Variants in SLC18A1 observed in about 807,000 individuals in gnomAD.
The protein encoded by SLC18A1 is chromaffin granule amine transporter.
A neutral mutation model predicts 53.7 loss-of-function variants in SLC18A1; 69 were observed. The observed-to-expected ratio is 1.28, with a 90% CI of 1.06 to 1.57. The LOEUF is 1.57. SLC18A1 is among the 40% of genes most tolerant of loss of function. The pLI is 0.00. For synonymous variants in SLC18A1, 320 were observed against 248.1 expected (o/e 1.29, Z -2.72); for missense variants, 932 against 668.1 (o/e 1.40, Z -4.35).
rs768462280 is a variant in SLC18A1 at position 20,164,927 on chromosome 8, C to T, written c.957G>A (p.Leu319=). ...TCATCCAGATGGGCAGTGTGGGCTC[C>T]AGGATGGCCACCCCCATGTTGGCAA... The part of the protein sequence containing the change: ...ICFANMGVAI[L]EPTLPIWMMQ... Residue 319 remains leucine, a synonymous_variant, in exon 10 of 16, where the codon CTG becomes CTA. Coordinates refer to ENST00000276373, the MANE Select transcript of SLC18A1 (RefSeq NM_003053.4). The T allele has an allele frequency of 6.2e-7, 1 of 1,613,756 alleles. No homozygotes were observed. Among genetic ancestry groups the T allele is most frequent in the Admixed American group, 1.7e-5 (1 of 59,998 alleles).
At chr8:20,175,462 T>C (rs2072231976) in intron 4 of SLC18A1, 1 of 152,236 alleles carries the variant, frequency 6.6e-6, no homozygotes, top group African/African-American at 2.4e-5. Context: ...CACAATTTTA[T>C]GTTCAGAGAT....
chr8:20,145,518 G>A lies in SLC18A1; in HGVS notation c.*245C>T, dbSNP rs2128865571. The A allele has an allele frequency of 1.2e-5, 4 of 338,402 alleles. No individual in the cohort carries two copies. Among genetic ancestry groups the A allele is most frequent in the South Asian group, 2.0e-4 (2 of 10,014 alleles). 21.0% of individuals were successfully genotyped at this position (338,402 alleles called of 1,614,324 possible). ...AAGTTTAATCAACCTCACAGCAGCG[G>A]GAAGGTGCATCACTCTGTCTTCCCA... On this transcript the variant is annotated 3_prime_UTR_variant, in exon 16 of 16. Transcript: ENST00000276373.
intron 8 of SLC18A1, among the ~76,000 whole-genome samples, chr8:20,169,400 A>G (rs1231170490): frequency 1.3e-5 from 2 of 152,122 alleles, no homozygotes; most frequent in Non-Finnish European, 2.9e-5. Context: ...GGCAAATTAG[A>G]CTAAAGTATT....
At chr8:20,148,454 G>C in intron 12 of SLC18A1, 3 of 1,290,956 alleles carry the variant, frequency 2.3e-6, no homozygotes, top group Non-Finnish European at 2.0e-6. Context: ...ATGGAATAAA[G>C]TTGCCTCTGT....
In SLC18A1 at chr8:20,145,738, T is replaced by G; in HGVS notation, c.*25A>C. 1.3e-6 allele frequency: 2 copies of G among 1,491,650 alleles called. No individual in the cohort carries two copies. The highest frequency in any genetic ancestry group is 1.9e-6 in the Non-Finnish European group (2 of 1,076,658). 92.4% of individuals were successfully genotyped at this position (1,491,650 alleles called of 1,614,324 possible). Reference sequence around the variant, plus strand: ...GAAAGAGGTGGTCACTGAGGCATCATGAATTCAAGGAGCACCTTCTGCTGC... The same window carrying G: ...GAAAGAGGTGGTCACTGAGGCATCAGGAATTCAAGGAGCACCTTCTGCTGC... On this transcript the variant is annotated 3_prime_UTR_variant, in exon 16 of 16. Coordinates refer to ENST00000276373, the MANE Select transcript of SLC18A1 (RefSeq NM_003053.4).
At position 20,160,008 on chromosome 8, in the gene SLC18A1, C is replaced by G. The variant is rs565595356; in HGVS notation, c.1015+4861G>C. Reference sequence around the variant, plus strand: ...CCAGCCCTTTTAATCCCTCTCTATACCTAGAAAAAAACAGTGCAGGCTAAC... The same window carrying G: ...CCAGCCCTTTTAATCCCTCTCTATAGCTAGAAAAAAACAGTGCAGGCTAAC... On this transcript the variant is annotated intron_variant, in intron 10 of 15. Coordinates refer to ENST00000276373, the MANE Select transcript of SLC18A1 (RefSeq NM_003053.4). Among the ~76,000 whole-genome samples the G allele has an allele frequency of 8.0e-4, 121 of 152,010 alleles. 3 individuals are homozygous for G. Among genetic ancestry groups the G allele is most frequent in the African/African-American group, 2.9e-3 (120 of 41,454 alleles).
rs1009686537 is a variant in SLC18A1 at position 20,148,554 on chromosome 8, C to G, written c.1147-484G>C. 5.8e-6 allele frequency: 6 copies of G among 1,032,100 alleles called. No individual in the cohort carries two copies. In the African/African-American group the frequency reaches 6.6e-5, roughly 11 times the overall value. The allele number at this position is 1,032,100 out of a possible 1,614,324, so 63.9% of individuals were successfully genotyped here. On this transcript the variant is annotated intron_variant, in intron 12 of 15. Transcript: ENST00000276373. ...GAAGATAGAGAAGAGGCCCCAACAA[C>G]CAGTTAGCTGTAAGCTAGAGGGGGC...
intron 10 of SLC18A1, among the ~76,000 whole-genome samples, chr8:20,155,183 C>A (rs894422125): frequency 4.6e-5 from 7 of 152,194 alleles, no homozygotes; most frequent in African/African-American, 1.2e-4. Context: ...CCCGCCCCAT[C>A]TTGGGAGCTC....
At chr8:20,147,777 C>G in intron 13 of SLC18A1, 55 bp from the exon 14 acceptor site, 3 of 1,593,376 alleles carry the variant, frequency 1.9e-6, no homozygotes, top group Non-Finnish European at 2.6e-6. Flanking sequence ...AGTACCACCC[C>G]GCCTCTCCTC....
At position 20,183,107 on chromosome 8, in the gene SLC18A1, G is replaced by GCTGTTAGCAAGACAGCAGGGACACTGTT. The variant is rs2072469678; in HGVS notation, c.-196_-169dup. The GCTGTTAGCAAGACAGCAGGGACACTGTT allele has an allele frequency of 6.6e-6, 1 of 152,202 alleles. No homozygotes were observed. Among genetic ancestry groups the GCTGTTAGCAAGACAGCAGGGACACTGTT allele is most frequent in the Non-Finnish European group, 1.5e-5 (1 of 68,050 alleles). 9.4% of individuals were successfully genotyped at this position (152,202 alleles called of 1,614,324 possible). On this transcript the variant is annotated 5_prime_UTR_variant, in exon 1 of 16. Transcript: ENST00000276373. ...TGAGGCACTCAGTGAGGTATTGGCA[G>GCTGTTAGCAAGACAGCAGGGACACTGTT]CTGTTAGCAAGACAGCAGGGACACT...
chr8:20,171,179 T>C (rs1340751165), intron 7 of SLC18A1, 33 bp from the exon 8 acceptor site: 1 of 1,612,116 alleles, frequency 6.2e-7, no homozygotes, highest in Admixed American at 1.7e-5. Flanking sequence ...CAGTTCAGCG[T>C]GTCTACTGAT....
intron 10 of SLC18A1, among the ~76,000 whole-genome samples, chr8:20,162,244 T>C (rs2071848616): frequency 6.6e-6 from 1 of 152,284 alleles, no homozygotes; most frequent in African/African-American, 2.4e-5. Flanking sequence ...GGGCCAGTAA[T>C]GGGAAGCACA....
At chr8:20,178,142 A>ACACACG (rs2072298292) in intron 4 of SLC18A1, among the ~76,000 whole-genome samples, 1 of 151,808 alleles carries the variant, frequency 6.6e-6, no homozygotes, top group Non-Finnish European at 1.5e-5. Flanking sequence ...ACACACACAC[A>ACACACG]CACACACACC....
intron 10 of SLC18A1, among the ~76,000 whole-genome samples, chr8:20,152,518 G>T (rs1395085901): frequency 1.3e-5 from 2 of 152,162 alleles, no homozygotes; most frequent in Non-Finnish European, 2.9e-5. Context: ...GGAGTGAGGA[G>T]GGGAAGTGAG....
intron 5 of SLC18A1, among the ~76,000 whole-genome samples, chr8:20,173,869 C>G (rs965868526): frequency 6.6e-5 from 10 of 151,588 alleles, no homozygotes; most frequent in African/African-American, 1.7e-4. Context: ...ATCTATGGAC[C>G]CTGTTAGAAA....
intron 10 of SLC18A1, among the ~76,000 whole-genome samples, chr8:20,158,887 C>T (rs1257792882): frequency 6.6e-6 from 1 of 152,124 alleles, no homozygotes; most frequent in Non-Finnish European, 1.5e-5. Flanking sequence ...TTTGAAGACC[C>T]TCTGTACCCA....
chr8:20,161,331 G>A (rs532402461), intron 10 of SLC18A1, among the ~76,000 whole-genome samples: 69 of 151,808 alleles, frequency 4.5e-4, no homozygotes, highest in Middle Eastern at 3.4e-3. Context: ...TCAACTAATC[G>A]CAGATCAAAA....
intron 10 of SLC18A1, among the ~76,000 whole-genome samples, chr8:20,159,174 C>T (rs112552956): frequency 0.046 from 6,930 of 152,162 alleles, 190 homozygotes; most frequent in Middle Eastern, 0.11. Flanking sequence ...TTGATGACAT[C>T]GAAAGCACCC....
At chr8:20,148,557 G>A in intron 12 of SLC18A1, 1 of 1,006,698 alleles carries the variant, frequency 9.9e-7, no homozygotes, top group Non-Finnish European at 1.4e-6. Context: ...CCAACAACCA[G>A]TTAGCTGTAA....
Sources: allele counts gnomAD v4.1 joint callset (sites outside exome capture counted in the v4.1 genomes callset), GRCh38; gene constraint gnomAD v4.1.1; transcripts MANE v1.5; gene names NCBI Gene and HGNC (gene_info 2026-07-23, HGNC 2026-07-21).